ESR1: variants seen among roughly 807,000 people sequenced by gnomAD.
ESR1 encodes estrogen receptor.
In ESR1, 12 loss-of-function variants were observed where a neutral mutation model predicts 52.7. That is an observed-to-expected ratio of 0.23 (90% CI 0.15 to 0.37). The LOEUF is 0.37. Ranked by LOEUF, ESR1 falls within the 10% of genes least tolerant of loss-of-function variation. The probability of loss-of-function intolerance (pLI) is 1.00; values close to 1 mark genes in which losing one functional copy is unlikely to be tolerated. For missense variants in ESR1, 584 were observed against 779.7 expected, an observed-to-expected ratio of 0.75 and a Z score of 2.99; for synonymous variants, 305 against 316.8, an observed-to-expected ratio of 0.96 and a Z score of 0.39.
intron 1 of ESR1, among the ~76,000 whole-genome samples, chr6:151,697,086 T>C (rs1779405913): frequency 6.6e-6 from 1 of 152,164 alleles, no homozygotes; most frequent in Non-Finnish European, 1.5e-5. Flanking sequence ...TTGAACTTTA[T>C]CTTGTAGGCA....
intron 2 of ESR1, among the ~76,000 whole-genome samples, chr6:151,710,702 C>A (rs1485713897): frequency 6.6e-6 from 1 of 152,118 alleles, no homozygotes; most frequent in Non-Finnish European, 1.5e-5. Flanking sequence ...AAGTATTTCT[C>A]CTATTGCTAT....
At chr6:151,756,655 T>C (rs1369273992) in intron 2 of ESR1, among the ~76,000 whole-genome samples, 2 of 152,246 alleles carry the variant, frequency 1.3e-5, no homozygotes, top group Non-Finnish European at 2.9e-5. Flanking sequence ...TCAATTATAG[T>C]TTTTGAATAA....
chr6:152,057,785 G>T lies in ESR1; in HGVS notation c.1236-3206G>T, dbSNP rs544951802. On this transcript the variant is annotated intron_variant, in intron 5 of 7. Transcript: ENST00000206249. The stretch of plus-strand genomic sequence containing the variant: ...ACCATCCCTGAGGGCACAGTCTACA[G>T]CTCCTAATGTGTGCTGTAGAGCAAG... 6.6e-5 allele frequency among the ~76,000 whole-genome samples: 10 copies of T among 152,030 alleles called. No homozygotes were observed. The South Asian group carries it at 2.1e-3, about 32-fold the overall frequency.
rs747687262 is a variant in ESR1 at position 151,808,052 on chromosome 6, G to A, written c.140G>A (p.Ser47Asn). 1 of 1,613,536 alleles carries A rather than the reference G, an allele frequency of 6.2e-7. No individual in the cohort carries two copies. Among genetic ancestry groups the A allele is most frequent in the Non-Finnish European group, 8.5e-7 (1 of 1,179,904 alleles). Reference sequence around the variant, plus strand: ...CTGGGCGAGGTGTACCTGGACAGCAGCAAGCCCGCCGTGTACAACTACCCC... The same window carrying A: ...CTGGGCGAGGTGTACCTGGACAGCAACAAGCCCGCCGTGTACAACTACCCC... ...RPLGEVYLDS[S>N]KPAVYNYPEG... is the part of the protein sequence containing the mutation. The change falls in exon 1 of 8, where the codon AGC becomes AAC. Residue 47 changes from serine (S) to asparagine (N), a missense_variant. Ser to Asn is a conservative substitution (Grantham distance 46). Transcript: ENST00000206249.
chr6:151,715,098 C>T (rs1780926193), intron 2 of ESR1, among the ~76,000 whole-genome samples: 1 of 152,140 alleles, frequency 6.6e-6, no homozygotes, highest in African/African-American at 2.4e-5. Context: ...ACTTATGAAG[C>T]TTAGTTTGGC....
rs114014710 is a variant in ESR1, at chr6:152,027,716, A to G, written c.1235+15922A>G. ...GAATGTTGAATTTTTAAATATAAACATAAATTGCAATACTTTTATTAAGAT... is the reference window on the plus strand; with the variant it reads ...GAATGTTGAATTTTTAAATATAAACGTAAATTGCAATACTTTTATTAAGAT... On this transcript the variant is annotated intron_variant, in intron 5 of 7. Transcript: ENST00000206249. Among the ~76,000 whole-genome samples the G allele has an allele frequency of 3.2e-3, 486 of 152,364 alleles. 1 individual carries two copies. Among genetic ancestry groups the G allele is most frequent in the African/African-American group, 0.011 (455 of 41,576 alleles).
intron 2 of ESR1, among the ~76,000 whole-genome samples, chr6:151,738,000 TG>T (rs1782803601): frequency 6.6e-6 from 1 of 152,206 alleles, no homozygotes; most frequent in African/African-American, 2.4e-5. Flanking sequence ...TTTAATGTTT[TG>T]TTATTGATGA....
At chr6:151,794,947 C>T (rs1057249486) in intron 2 of ESR1, among the ~76,000 whole-genome samples, 1 of 152,096 alleles carries the variant, frequency 6.6e-6, no homozygotes, top group Non-Finnish European at 1.5e-5. Context: ...CAATTCTGAC[C>T]TTTATCACAC....
chr6:152,030,983 C>T (rs2044645917), intron 5 of ESR1, among the ~76,000 whole-genome samples: 1 of 152,288 alleles, frequency 6.6e-6, no homozygotes, highest in Admixed American at 6.5e-5. Context: ...GATTAAGAAA[C>T]TCACTCAAAA....
chr6:152,038,752 TC>T (rs1293979089), intron 5 of ESR1, among the ~76,000 whole-genome samples: 1 of 152,112 alleles, frequency 6.6e-6, no homozygotes, highest in African/African-American at 2.4e-5. Flanking sequence ...TGCCTCAGCC[TC>T]CCGAGTAGCT....
intron 6 of ESR1, among the ~76,000 whole-genome samples, chr6:152,121,355 G>A (rs560152824): frequency 2.3e-4 from 35 of 152,286 alleles, no homozygotes; most frequent in African/African-American, 8.4e-4. Flanking sequence ...TTGTCTGCTC[G>A]CAATGGAATG....
chr6:151,873,477 G>T (rs116469524), intron 2 of ESR1, among the ~76,000 whole-genome samples: 212 of 152,228 alleles, frequency 1.4e-3, no homozygotes, highest in African/African-American at 4.7e-3. Flanking sequence ...TAGGAAGTGA[G>T]CACAAGTGTG....
intron 6 of ESR1, among the ~76,000 whole-genome samples, chr6:152,079,369 A>G (rs965156875): frequency 6.6e-6 from 1 of 152,214 alleles, no homozygotes; most frequent in African/African-American, 2.4e-5. Context: ...GACCTCCAGC[A>G]AACTCCAACA....
At position 151,855,126 on chromosome 6, in the gene ESR1, C is replaced by A. The variant is rs193114356; in HGVS notation, c.643+12339C>A. 1.0e-3 allele frequency among the ~76,000 whole-genome samples: 159 copies of A among 152,310 alleles called. 1 individual carries two copies. Among genetic ancestry groups the A allele is most frequent in the Non-Finnish European group, 2.0e-3 (138 of 68,030 alleles). On this transcript the variant is annotated intron_variant, in intron 2 of 7. Transcript: ENST00000206249. ...ACGGGGTTTCACTGTGTTGGGCACA[C>A]TAGTCTCTAACTCCTGACCTCAAGT...
intron 5 of ESR1, among the ~76,000 whole-genome samples, chr6:152,055,563 G>A (rs973571924): frequency 2.0e-5 from 3 of 152,182 alleles, no homozygotes; most frequent in Admixed American, 6.5e-5. Flanking sequence ...ATATTTCATG[G>A]CCAAAAACTG....
At chr6:151,938,805 G>A (rs997485732) in intron 3 of ESR1, among the ~76,000 whole-genome samples, 9 of 152,140 alleles carry the variant, frequency 5.9e-5, no homozygotes, top group African/African-American at 2.2e-4. Context: ...ACAACGTGAC[G>A]AGGATATTAT....
At chr6:151,971,795 A>T (rs1329535985) in intron 4 of ESR1, among the ~76,000 whole-genome samples, 2 of 152,144 alleles carry the variant, frequency 1.3e-5, no homozygotes. Context: ...GAAGGAAAGA[A>T]ATAACGAAGA....
At chr6:151,718,300 G>A (rs1175386876) in intron 2 of ESR1, among the ~76,000 whole-genome samples, 1 of 152,176 alleles carries the variant, frequency 6.6e-6, no homozygotes, top group Admixed American at 6.5e-5. Flanking sequence ...AGGAGCATAA[G>A]TGAAAAACAG....
At chr6:151,837,569 C>T (rs1048403752) in intron 1 of ESR1, among the ~76,000 whole-genome samples, 1 of 152,076 alleles carries the variant, frequency 6.6e-6, no homozygotes, top group African/African-American at 2.4e-5. Context: ...TTCTGCTATT[C>T]TTCATTCCTT....
Sources: allele counts gnomAD v4.1 joint callset (sites outside exome capture counted in the v4.1 genomes callset), GRCh38; gene constraint gnomAD v4.1.1; transcripts MANE v1.5; gene names NCBI Gene and HGNC (gene_info 2026-07-23, HGNC 2026-07-21).